Variants in ATXN7L1 observed in about 807,000 individuals in gnomAD.
ATXN7L1 encodes the protein ataxin 7 like 1.
A neutral mutation model predicts 70.8 loss-of-function variants in ATXN7L1; 15 were observed. That is an observed-to-expected ratio of 0.21 (90% confidence interval 0.14 to 0.33). The LOEUF is 0.33. ATXN7L1 is among the 10% of genes least tolerant of loss of function. The pLI is 1.00. For missense variants in ATXN7L1, 975 were observed against 1,097.1 expected (o/e 0.89, Z 1.57); for synonymous variants, 440 against 445.1 (o/e 0.99, Z 0.14).
chr7:105,648,742 C>T (rs146245055), intron 4 of ATXN7L1, among the ~76,000 whole-genome samples: 208 of 152,352 alleles, frequency 1.4e-3, no homozygotes, highest in African/African-American at 4.7e-3. Context: ...TCTGCTGTCA[C>T]CTTCCCCAGC....
At chr7:105,702,981 C>T (rs927792399) in intron 3 of ATXN7L1, among the ~76,000 whole-genome samples, 16 of 152,260 alleles carry the variant, frequency 1.1e-4, no homozygotes, top group Middle Eastern at 3.4e-3. Flanking sequence ...CAAGGCGTGG[C>T]GGCGTGCGCC....
rs757313269 is a variant in ATXN7L1, at chr7:105,665,187, T to C, written c.457A>G (p.Ser153Gly). The change falls in exon 4 of 12, where the codon AGC becomes GGC. Residue 153 changes from serine to glycine, a missense_variant. This residue lies in a region of ATXN7L1 where 192 missense variants were observed against 215.5 expected (regional missense o/e 0.89). Transcript: ENST00000419735. ...GTGCTGCTGGCAGAGTGATGGCCGC[T>C]GAGACAGGCTTTTGTTTTCACCTGT... The part of the protein sequence containing the change: ...LVQVKTKACL[S>G]GHHSASSTSK... 2 of 1,551,724 alleles carry C rather than the reference T, an allele frequency of 1.3e-6. No individual in the cohort carries two copies. Among genetic ancestry groups the C allele is most frequent in the South Asian group, 1.2e-5 (1 of 84,056 alleles).
chr7:105,800,955 G>A (rs1806723578), intron 2 of ATXN7L1, among the ~76,000 whole-genome samples: 1 of 152,184 alleles, frequency 6.6e-6, no homozygotes, highest in African/African-American at 2.4e-5. Flanking sequence ...AGGCAGCCGT[G>A]TTTTGCTTAG....
At chr7:105,875,109 GATTT>G (rs1818868147) in intron 2 of ATXN7L1, 1 of 152,658 alleles carries the variant, frequency 6.6e-6, no homozygotes, top group Non-Finnish European at 1.5e-5. Context: ...AACAGGATAT[GATTT>G]ATTTATGACG....
At chr7:105,713,015 C>T (rs780423711) in intron 3 of ATXN7L1, among the ~76,000 whole-genome samples, 10 of 152,226 alleles carry the variant, frequency 6.6e-5, no homozygotes, top group East Asian at 5.8e-4. Flanking sequence ...AAACAGGAAG[C>T]GTGACTGGGA....
chr7:105,821,911 G>A (rs557453605), intron 2 of ATXN7L1, among the ~76,000 whole-genome samples: 21 of 152,234 alleles, frequency 1.4e-4, no homozygotes, highest in East Asian at 1.9e-4. Context: ...TTTGGTTGAC[G>A]CCAGAAATGC....
chr7:105,658,632 G>A (rs555025958), intron 4 of ATXN7L1, among the ~76,000 whole-genome samples: 4 of 148,840 alleles, frequency 2.7e-5, no homozygotes, highest in African/African-American at 9.9e-5. Flanking sequence ...CCAGGTTCAA[G>A]CAAGTCTCCT....
chr7:105,633,635 G>A (rs1033195467), intron 7 of ATXN7L1, among the ~76,000 whole-genome samples: 3 of 152,052 alleles, frequency 2.0e-5, no homozygotes, highest in African/African-American at 4.8e-5. Context: ...CAGGAAAATC[G>A]CTTGAATCCG....
At chr7:105,710,318 A>G (rs375265389) in intron 3 of ATXN7L1, among the ~76,000 whole-genome samples, 18 of 151,956 alleles carry the variant, frequency 1.2e-4, no homozygotes, top group Non-Finnish European at 2.5e-4. Context: ...ACTTACAATC[A>G]TGGTAGAAGG....
At chr7:105,796,632 A>G (rs563059570) in intron 2 of ATXN7L1, among the ~76,000 whole-genome samples, 8 of 152,354 alleles carry the variant, frequency 5.3e-5, no homozygotes, top group African/African-American at 1.9e-4. Flanking sequence ...CACTCCAAGC[A>G]GATTCAAATC....
At chr7:105,630,951 G>T (rs1210752425) in intron 7 of ATXN7L1, among the ~76,000 whole-genome samples, 2 of 152,086 alleles carry the variant, frequency 1.3e-5, no homozygotes, top group African/African-American at 4.8e-5. Context: ...AGCTTCATCT[G>T]GACCTTGTTA....
At chr7:105,657,448 C>G (rs1800835525) in intron 4 of ATXN7L1, among the ~76,000 whole-genome samples, 1 of 151,954 alleles carries the variant, frequency 6.6e-6, no homozygotes, top group Non-Finnish European at 1.5e-5. Flanking sequence ...CACTGTGGCT[C>G]ACACCTGTAA....
chr7:105,692,831 G>A (rs1401294290), intron 3 of ATXN7L1, among the ~76,000 whole-genome samples: 2 of 151,868 alleles, frequency 1.3e-5, no homozygotes, highest in African/African-American at 2.4e-5. Context: ...TTGAATTCCT[G>A]GGCTCAAGCG....
chr7:105,676,185 C>A lies in ATXN7L1; in HGVS notation c.356-10897G>T, dbSNP rs117206867. On this transcript the variant is annotated intron_variant, in intron 3 of 11. Transcript: ENST00000419735. Reference sequence around the variant, plus strand: ...CCACGATCCTCTTCATAACATGAGGCCTTTTATGGCTCTATCTGCTCCCCA... The same window carrying A: ...CCACGATCCTCTTCATAACATGAGGACTTTTATGGCTCTATCTGCTCCCCA... 2.7e-3 allele frequency among the ~76,000 whole-genome samples: 416 copies of A among 152,264 alleles called. 14 individuals carry two copies. In the East Asian group the frequency reaches 0.075, roughly 27 times the overall value.
chr7:105,675,941 G>A (rs947902494), intron 3 of ATXN7L1, among the ~76,000 whole-genome samples: 2 of 151,148 alleles, frequency 1.3e-5, no homozygotes, highest in Non-Finnish European at 2.9e-5. Flanking sequence ...CAGACACTGG[G>A]CTATGAGCCC....
chr7:105,743,267 CTG>C (rs778487595), intron 3 of ATXN7L1, among the ~76,000 whole-genome samples: 2 of 152,192 alleles, frequency 1.3e-5, no homozygotes, highest in Non-Finnish European at 2.9e-5. Context: ...GATTACATAT[CTG>C]TGCCAAGAAC....
At chr7:105,856,757 G>T (rs561939523) in intron 2 of ATXN7L1, among the ~76,000 whole-genome samples, 1 of 152,028 alleles carries the variant, frequency 6.6e-6, no homozygotes, top group South Asian at 2.1e-4. Flanking sequence ...TAATAGAAAA[G>T]AACTTACAAA....
intron 2 of ATXN7L1, among the ~76,000 whole-genome samples, chr7:105,873,662 A>G (rs1161524685): frequency 6.6e-6 from 1 of 152,156 alleles, no homozygotes; most frequent in African/African-American, 2.4e-5. Flanking sequence ...ATATATGGCT[A>G]TTTTGGTGAA....
Position 105,607,888 on chromosome 7 carries a change from G to A in ATXN7L1, c.2550C>T (p.Asn850=), listed in dbSNP as rs1200202793. The change falls in exon 12 of 12, where the codon AAC becomes AAT. Residue 850 remains asparagine, a splice_region_variant and synonymous_variant. Coordinates refer to ENST00000419735, the MANE Select transcript of ATXN7L1 (RefSeq NM_020725.2). The stretch of plus-strand genomic sequence containing the variant: ...TCCTTATCCTGCCCGTTCTGTTTGT[G>A]TTCTTCTAGGAAAGAAAAGAAAAAC... The part of the protein sequence containing the change: ...SISSPGHSRQ[N]TNRTGRIRTL... The A allele has an allele frequency of 5.2e-6, 8 of 1,551,968 alleles. No individual in the cohort carries two copies. Among genetic ancestry groups the A allele is most frequent in the Non-Finnish European group, 7.0e-6 (8 of 1,146,948 alleles).
Sources: gnomAD v4.1 joint callset for allele counts (sites outside exome capture counted in the v4.1 genomes callset) on GRCh38, gnomAD v4.1.1 for gene constraint, gnomAD v4.1.1 regional missense constraint, MANE v1.5 for transcripts, NCBI Gene and HGNC (gene_info 2026-07-23, HGNC 2026-07-21) for gene names.